The following SLC8A1 variants were observed in gnomAD, a reference collection of about 807,000 sequenced individuals.
The protein encoded by SLC8A1 is sodium/calcium exchanger 1.
In SLC8A1, 18 loss-of-function variants were observed where a neutral mutation model predicts 68.3. The observed-to-expected ratio is 0.26, with a 90% CI of 0.18 to 0.39. The LOEUF is 0.39. SLC8A1 is among the 10% of genes least tolerant of loss of function. SLC8A1 has a pLI of 1.00. For missense variants in SLC8A1, 985 were observed against 1,156.7 expected (o/e 0.85, Z 2.15); for synonymous variants, 475 against 415.5 (o/e 1.14, Z -1.74).
At chr2:40,363,844 G>A (rs965093141) in intron 2 of SLC8A1, among the ~76,000 whole-genome samples, 1 of 151,978 alleles carries the variant, frequency 6.6e-6, no homozygotes, top group Non-Finnish European at 1.5e-5. Flanking sequence ...GATTGACTCT[G>A]AACAGTCACA....
chr2:40,488,436 C>T (rs979805972), intron 1 of SLC8A1, among the ~76,000 whole-genome samples: 3 of 147,026 alleles, frequency 2.0e-5, no homozygotes, highest in African/African-American at 7.8e-5. Context: ...GATTCCCAAG[C>T]TACCCACTTT....
intron 2 of SLC8A1, among the ~76,000 whole-genome samples, chr2:40,257,404 G>C (rs888231135): frequency 2.6e-5 from 4 of 151,756 alleles, no homozygotes; most frequent in South Asian, 4.2e-4. Flanking sequence ...TGACGATTAT[G>C]GAAATTAGCT....
chr2:40,428,735 A>C (rs139164260), exon 2 of SLC8A1: 4 of 1,613,892 alleles, frequency 2.5e-6, no homozygotes, highest in Non-Finnish European at 3.4e-6. Flanking sequence ...GCAAGTGTAG[A>C]AACATGATTG....
chr2:40,203,607 T>G (rs1042038258), intron 2 of SLC8A1, among the ~76,000 whole-genome samples: 1 of 151,972 alleles, frequency 6.6e-6, no homozygotes, highest in African/African-American at 2.4e-5. Context: ...TTCTGACATA[T>G]GGAGAAAACC....
chr2:40,499,743 C>A (rs1258440260), intron 1 of SLC8A1, among the ~76,000 whole-genome samples: 1 of 152,068 alleles, frequency 6.6e-6, no homozygotes, highest in Non-Finnish European at 1.5e-5. Flanking sequence ...AACTCATCTT[C>A]TAGTCTTCAT....
At chr2:40,262,243 G>A (rs184023068) in intron 2 of SLC8A1, among the ~76,000 whole-genome samples, 2 of 152,304 alleles carry the variant, frequency 1.3e-5, no homozygotes, top group East Asian at 1.9e-4. Flanking sequence ...TTACAGGCAT[G>A]AGCCACCGCA....
chr2:40,107,317 A>C (rs1038847675), exon 8 of SLC8A1: 1 of 147,802 alleles, frequency 6.8e-6, no homozygotes, highest in Non-Finnish European at 1.5e-5. Context: ...CCGATTAACA[A>C]CAGGCATGGG....
intron 4 of SLC8A1, among the ~76,000 whole-genome samples, chr2:40,172,207 A>G (rs1215137172): frequency 6.6e-6 from 1 of 152,176 alleles, no homozygotes; most frequent in Non-Finnish European, 1.5e-5. Flanking sequence ...TGTCCTCAGG[A>G]GCATCAGTAG....
intron 2 of SLC8A1, among the ~76,000 whole-genome samples, chr2:40,247,004 A>AACTT (rs2061968052): frequency 6.6e-6 from 1 of 152,206 alleles, no homozygotes; most frequent in African/African-American, 2.4e-5. Flanking sequence ...CATGTTAAGA[A>AACTT]ACTTAATATC....
chr2:40,247,034 A>G (rs1251732717), intron 2 of SLC8A1, among the ~76,000 whole-genome samples: 1 of 152,120 alleles, frequency 6.6e-6, no homozygotes, highest in Non-Finnish European at 1.5e-5. Flanking sequence ...AGAAATAGCC[A>G]TTTTAGTGTG....
chr2:40,160,743 A>T (rs773107412), intron 6 of SLC8A1, 22 bp downstream of exon 9: 11 of 1,601,948 alleles, frequency 6.9e-6, no homozygotes, highest in Non-Finnish European at 8.6e-6. Flanking sequence ...TTAATTTATA[A>T]TATGCAGAGA....
At chr2:40,286,472 C>T (rs116298184) in intron 2 of SLC8A1, among the ~76,000 whole-genome samples, 327 of 152,280 alleles carry the variant, frequency 2.1e-3, no homozygotes, top group African/African-American at 7.3e-3. Context: ...AATGCAATCC[C>T]TGATTGTAGA....
intron 6 of SLC8A1, among the ~76,000 whole-genome samples, chr2:40,149,159 C>T (rs1217841457): frequency 6.6e-6 from 1 of 152,312 alleles, no homozygotes; most frequent in Middle Eastern, 3.4e-3. Context: ...CCAGGCTGAA[C>T]CCCTAACCTG....
intron 1 of SLC8A1, among the ~76,000 whole-genome samples, chr2:40,458,877 T>C (rs1163349619): frequency 6.6e-6 from 1 of 152,188 alleles, no homozygotes; most frequent in Admixed American, 6.5e-5. Context: ...TTTTCAAGAT[T>C]CAAGGAATAT....
chr2:40,125,809 A>T (rs2037961779), intron 7 of SLC8A1, among the ~76,000 whole-genome samples: 1 of 152,214 alleles, frequency 6.6e-6, no homozygotes, highest in African/African-American at 2.4e-5. Flanking sequence ...AGAATATGCC[A>T]TGAGCCTGAT....
intron 2 of SLC8A1, among the ~76,000 whole-genome samples, chr2:40,291,395 G>C (rs1306174934): frequency 6.6e-6 from 1 of 152,114 alleles, no homozygotes; most frequent in Non-Finnish European, 1.5e-5. Flanking sequence ...TCAATGCTTT[G>C]CATCAACAAT....
chr2:40,428,967 G>C, exon 2 of SLC8A1: 2 of 1,613,832 alleles, frequency 1.2e-6, no homozygotes, highest in South Asian at 1.1e-5. Flanking sequence ...CAAACACAGT[G>C]TTAGTCAAAT....
chr2:40,181,639 G>A lies in SLC8A1; in HGVS notation c.1809-3784C>T, dbSNP rs112739292. 3.6e-3 allele frequency among the ~76,000 whole-genome samples: 549 copies of A among 152,226 alleles called. 3 individuals carry two copies. The highest frequency in any genetic ancestry group is 6.3e-3 in the Non-Finnish European group (430 of 68,008). On this transcript the variant is annotated intron_variant, in intron 2 of 7. Transcript: ENST00000406785. Reference sequence around the variant, plus strand: ...TTAATAGGAAACTTGATTATTAAAGGACATTTCAGTGGATCTAAAGTGGCA... The same window carrying A: ...TTAATAGGAAACTTGATTATTAAAGAACATTTCAGTGGATCTAAAGTGGCA...
intron 2 of SLC8A1, among the ~76,000 whole-genome samples, chr2:40,347,543 T>C (rs1282701336): frequency 6.6e-6 from 1 of 152,192 alleles, no homozygotes; most frequent in East Asian, 1.9e-4. Flanking sequence ...TTCCCATATA[T>C]GCAAAATAAG....
Sources: allele counts gnomAD v4.1 joint callset (sites outside exome capture counted in the v4.1 genomes callset), GRCh38; gene constraint gnomAD v4.1.1; transcripts MANE v1.5; gene names NCBI Gene and HGNC (gene_info 2026-07-23, HGNC 2026-07-21).